Variants in AMZ2 observed in about 807,000 individuals in gnomAD.
AMZ2 encodes archaelysin family metallopeptidase 2, also known as archaemetzincin-2.
In AMZ2, 26 loss-of-function variants were observed where a neutral mutation model predicts 36.7. That is an observed-to-expected ratio of 0.71 (90% CI 0.52 to 0.98). The LOEUF is 0.98. Among genes scored for constraint, AMZ2 ranks in the 50% least tolerant of loss-of-function variants. The pLI is 0.00. For synonymous variants in AMZ2, 144 were observed against 149.1 expected (o/e 0.97, Z 0.25); for missense variants, 394 against 430.5 (o/e 0.92, Z 0.75).
intron 1 of AMZ2, among the ~76,000 whole-genome samples, chr17:68,212,727 C>G (rs1470421850): frequency 1.1e-4 from 17 of 151,978 alleles, no homozygotes; most frequent in Non-Finnish European, 1.9e-4. Flanking sequence ...CACCACCACA[C>G]CTGGCTAATG....
chr17:68,257,155 T>G lies in AMZ2; in HGVS notation c.*186T>G, dbSNP rs1379157070. On this transcript the variant is annotated 3_prime_UTR_variant, in exon 7 of 7. Transcript: ENST00000359904. The stretch of plus-strand genomic sequence containing the variant: ...GAATAATAAAAACTCTAGAAACTCT[T>G]TATCTTCTCATCTTACTGGCCTGGT... 5.4e-6 allele frequency: 3 copies of G among 552,534 alleles called. No homozygotes were observed. The highest frequency in any genetic ancestry group is 9.1e-6 in the Non-Finnish European group (3 of 329,546). 34.2% of individuals were successfully genotyped at this position (552,534 alleles called of 1,614,324 possible). A position where few individuals can be genotyped will look rare whatever the true frequency, so the allele number is the denominator to read the frequency against.
upstream of AMZ2, chr17:68,246,560 A>T (rs2074023300): frequency 6.6e-6 from 1 of 152,190 alleles, no homozygotes; most frequent in Non-Finnish European, 1.5e-5. Flanking sequence ...AAAGCCCACG[A>T]CTTCTCAAGC....
At chr17:68,211,820 G>GTATATGTATA (rs1176516792) in intron 1 of AMZ2, among the ~76,000 whole-genome samples, 2 of 126,158 alleles carry the variant, frequency 1.6e-5, no homozygotes, top group Non-Finnish European at 3.5e-5. Context: ...ATATGTATGT[G>GTATATGTATA]TATGTATATG....
upstream of AMZ2, chr17:68,246,740 G>C (rs36090560): frequency 0.031 from 4,763 of 152,316 alleles, 101 homozygotes; most frequent in Non-Finnish European, 0.054. Context: ...AATAAGGAAG[G>C]GCTAAAGAGA....
intron 1 of AMZ2, among the ~76,000 whole-genome samples, chr17:68,242,828 G>A (rs1444160628): frequency 1.3e-5 from 2 of 151,764 alleles, no homozygotes; most frequent in Non-Finnish European, 2.9e-5. Context: ...TTGAGCCCAG[G>A]AGTTCAAAAC....
chr17:68,209,632 ATTTTTTTTTTTT>A (rs1224207690), intron 1 of AMZ2, among the ~76,000 whole-genome samples: 2 of 90,684 alleles, frequency 2.2e-5, no homozygotes, highest in African/African-American at 4.9e-5. Flanking sequence ...ATATATATAT[ATTTTTTTTTTTT>A]TTTATACAGA....
rs530130880 is a variant in AMZ2 at position 68,250,201 on chromosome 17, G to A, written c.14G>A (p.Arg5Gln). The A allele has an allele frequency of 1.2e-5, 20 of 1,612,520 alleles. No individual in the cohort carries two copies. The highest frequency in any genetic ancestry group is 8.9e-5 in the East Asian group (4 of 44,870). MQII[R>Q]HSEQTLKTAL... ...TTTTTTTGTTAGATGCAAATAATAC[G>A]GCACTCCGAACAGACACTAAAAACA... The change falls in exon 2 of 7, where the codon CGG becomes CAG. Residue 5 changes from arginine (R) to glutamine (Q), a missense_variant. Transcript: ENST00000359904.
rs151090727 is a variant in AMZ2, at chr17:68,240,610, C to T, written c.-66-8030C>T. Among the ~76,000 whole-genome samples the T allele has an allele frequency of 7.5e-3, 1,149 of 152,192 alleles. 12 individuals carry two copies. The highest frequency in any genetic ancestry group is 0.01 in the Non-Finnish European group (701 of 68,026). On this transcript the variant is annotated intron_variant, in intron 1 of 7. Coordinates refer to the AMZ2 transcript ENST00000674770. ...AAGGATAAGAGTCTCAGTATCGAAG[C>T]GCCTGCTAAGTGAGCCACAAAATGA...
At chr17:68,218,692 C>T (rs1312420339) in intron 1 of AMZ2, among the ~76,000 whole-genome samples, 1 of 152,214 alleles carries the variant, frequency 6.6e-6, no homozygotes, top group Non-Finnish European at 1.5e-5. Context: ...CTGGACATGT[C>T]TGCAAAGCAG....
chr17:68,209,628 A>ATC (rs1322446681), intron 1 of AMZ2, among the ~76,000 whole-genome samples: 1 of 98,530 alleles, frequency 1.0e-5, no homozygotes, highest in African/African-American at 5.0e-5. Context: ...ATATATATAT[A>ATC]TATATTTTTT....
intron 1 of AMZ2, among the ~76,000 whole-genome samples, chr17:68,211,496 C>A (rs1440460731): frequency 5.2e-5 from 6 of 116,236 alleles, no homozygotes; most frequent in African/African-American, 2.8e-4. Context: ...AAGCAAGATT[C>A]CGTCTTAAAA....
intron 5 of AMZ2, among the ~76,000 whole-genome samples, chr17:68,254,983 C>T (rs1486169709): frequency 2.0e-5 from 3 of 152,210 alleles, no homozygotes; most frequent in African/African-American, 7.2e-5. Context: ...CTGTAGTTGT[C>T]CTGGCAGTTC....
At chr17:68,236,865 C>T (rs2073802339) in intron 1 of AMZ2, among the ~76,000 whole-genome samples, 1 of 152,188 alleles carries the variant, frequency 6.6e-6, no homozygotes, top group Non-Finnish European at 1.5e-5. Context: ...CAGGCGTGAG[C>T]CACCATGCCC....
At chr17:68,230,774 CT>C (rs2073640613) in intron 1 of AMZ2, among the ~76,000 whole-genome samples, 1 of 152,140 alleles carries the variant, frequency 6.6e-6, no homozygotes, top group African/African-American at 2.4e-5. Flanking sequence ...AGCACTTCCC[CT>C]GGCATTGGCT....
rs782517117 is a variant in AMZ2 at position 68,250,185 on chromosome 17, TAGATGCAAATAATACGG to T, written c.1-2_15del. On this transcript the variant is annotated splice_acceptor_variant and coding_sequence_variant and 5_prime_UTR_variant, in exon 2 of 7. Coordinates refer to ENST00000359904, the MANE Select transcript of AMZ2 (RefSeq NM_016627.5). LOFTEE classifies it high-confidence loss of function. ...TATTTGATTACTTGCTTTTTTTTGT[TAGATGCAAATAATACGG>T]CACTCCGAACAGACACTAAAAACAG... 31 of 1,605,402 alleles carry T rather than the reference TAGATGCAAATAATACGG, an allele frequency of 1.9e-5. 1 individual carries two copies. In the Admixed American group the frequency reaches 5.3e-4, roughly 28 times the overall value.
Position 68,248,073 on chromosome 17 carries a change from G to C in AMZ2, c.-633G>C. 1.0e-6 allele frequency: 1 copy of C among 986,262 alleles called. No individual in the cohort carries two copies. The highest frequency in any genetic ancestry group is 4.7e-5 in the South Asian group (1 of 21,364). 61.1% of individuals were successfully genotyped at this position (986,262 alleles called of 1,614,324 possible). A position where few individuals can be genotyped will look rare whatever the true frequency, so the allele number is the denominator to read the frequency against. On this transcript the variant is annotated 5_prime_UTR_variant, in exon 1 of 7. Coordinates refer to ENST00000359904, the MANE Select transcript of AMZ2 (RefSeq NM_016627.5). ...GAAGGGACGCGGTGCGCATGCGCGT[G>C]AGGGCTGCCGCGGGTGGGTGGTATC...
intron 1 of AMZ2, among the ~76,000 whole-genome samples, chr17:68,238,732 G>C (rs1372878746): frequency 1.3e-5 from 2 of 152,186 alleles, no homozygotes; most frequent in Non-Finnish European, 2.9e-5. Flanking sequence ...TTTGTAGCAT[G>C]ACTGCTGATA....
At chr17:68,246,839 T>G (rs1415816707), upstream of AMZ2, 31 of 152,380 alleles carry the variant, frequency 2.0e-4, no homozygotes, top group African/African-American at 6.0e-4. Context: ...AAAATGTGCC[T>G]GTCTTTCCTT....
rs546421472 is a variant in AMZ2, at chr17:68,226,249, G to T, written c.-67+20011G>T. ...CGAAAAGATGCCAAGCAAAAGGACT[G>T]GGAGAAGACCTGCCTACTATGTACA... On this transcript the variant is annotated intron_variant, in intron 1 of 7. Transcript: ENST00000674770. Among the ~76,000 whole-genome samples the T allele has an allele frequency of 2.0e-5, 3 of 152,254 alleles. No individual in the cohort carries two copies. In the East Asian group the frequency reaches 5.8e-4, roughly 29 times the overall value.
Sources: allele counts gnomAD v4.1 joint callset (sites outside exome capture counted in the v4.1 genomes callset), GRCh38; gene constraint gnomAD v4.1.1; transcripts MANE v1.5; gene names NCBI Gene and HGNC (gene_info 2026-07-23, HGNC 2026-07-21).